The following ATP6V1E2 variants were observed in gnomAD, a reference collection of about 807,000 sequenced individuals.
The protein encoded by ATP6V1E2 is V-type proton ATPase subunit E 2.
For missense variants in ATP6V1E2, 308 were observed against 273.3 expected (o/e 1.13, Z -0.90); for synonymous variants, 121 against 104.2 (o/e 1.16, Z -0.98).
chr2:46,538,712 T>C (rs1331311971), intron 2 of ATP6V1E2, among the ~76,000 whole-genome samples: 1 of 152,178 alleles, frequency 6.6e-6, no homozygotes, highest in Non-Finnish European at 1.5e-5. Context: ...ACTGGCTACT[T>C]TGTGAATGGC....
intron 4 of ATP6V1E2, among the ~76,000 whole-genome samples, chr2:46,524,426 T>C (rs1423329556): frequency 1.3e-5 from 2 of 152,226 alleles, no homozygotes; most frequent in Non-Finnish European, 2.9e-5. Context: ...CTGGAAAATG[T>C]AGAAAGTTGG....
At chr2:46,521,984 C>G (rs1666654986) in intron 4 of ATP6V1E2, among the ~76,000 whole-genome samples, 1 of 152,164 alleles carries the variant, frequency 6.6e-6, no homozygotes, top group Admixed American at 6.5e-5. Context: ...GCCACTGCGC[C>G]AGGCCCTGTC....
intron 2 of ATP6V1E2, among the ~76,000 whole-genome samples, chr2:46,538,911 G>T (rs543216601): frequency 5.9e-5 from 9 of 152,258 alleles, no homozygotes; most frequent in East Asian, 1.9e-4. Context: ...TGAGGCTATA[G>T]TGAGCTGAGA....
intron 4 of ATP6V1E2, among the ~76,000 whole-genome samples, chr2:46,514,308 G>T (rs924647180): frequency 2.6e-5 from 4 of 151,720 alleles, no homozygotes; most frequent in African/African-American, 7.3e-5. Flanking sequence ...AAAGAAAAAA[G>T]AAAAAAGGAA....
chr2:46,534,743 G>A (rs920512746), intron 4 of ATP6V1E2: 6 of 138,602 alleles, frequency 4.3e-5, no homozygotes, highest in African/African-American at 1.6e-4. Flanking sequence ...CTCACTTTTC[G>A]GCTTAGTTAG....
In ATP6V1E2 at chr2:46,512,861, G is replaced by A. The variant is rs1330179700; in HGVS notation, c.-101-49C>T. 6.0e-6 allele frequency: 4 copies of A among 670,478 alleles called. No homozygotes were observed. The East Asian group carries it at 1.1e-4, about 18-fold the overall frequency. 41.5% of individuals were successfully genotyped at this position (670,478 alleles called of 1,614,324 possible). A position where few individuals can be genotyped will look rare whatever the true frequency, so the allele number is the denominator to read the frequency against. On this transcript the variant is annotated intron_variant, in intron 4 of 4. Transcript: ENST00000522587. ...AAAGAGAAAGTCAGAGGCTATAGAG[G>A]AGGATTACAGAGACTGTATATATAC...
intron 4 of ATP6V1E2, among the ~76,000 whole-genome samples, chr2:46,524,234 T>C (rs377759198): frequency 2.8e-4 from 43 of 152,276 alleles, no homozygotes; most frequent in African/African-American, 9.9e-4. Flanking sequence ...ATTGTTGACC[T>C]GAAGATGTTT....
chr2:46,529,636 G>T (rs899876167), intron 4 of ATP6V1E2, among the ~76,000 whole-genome samples: 1 of 152,116 alleles, frequency 6.6e-6, no homozygotes, highest in Non-Finnish European at 1.5e-5. Context: ...TGCACCTATG[G>T]TCTCAGCTAC....
At chr2:46,516,835 A>T (rs747249296) in intron 4 of ATP6V1E2, among the ~76,000 whole-genome samples, 5 of 152,238 alleles carry the variant, frequency 3.3e-5, no homozygotes, top group Non-Finnish European at 7.3e-5. Context: ...AAGAAGTTAA[A>T]AACAAATAAA....
At chr2:46,513,781 C>G (rs565913706) in intron 4 of ATP6V1E2, among the ~76,000 whole-genome samples, 1 of 150,938 alleles carries the variant, frequency 6.6e-6, no homozygotes, top group Non-Finnish European at 1.5e-5. Context: ...GCTGAGATCG[C>G]GCCACTGTAC....
Position 46,512,530 on chromosome 2 carries a change from T to C in ATP6V1E2, c.182A>G (p.Glu61Gly). The C allele has an allele frequency of 1.2e-6, 2 of 1,614,202 alleles. No homozygotes were observed. Among genetic ancestry groups the C allele is most frequent in the South Asian group, 2.2e-5 (2 of 91,084 alleles). The change falls in exon 5 of 5, where the codon GAG becomes GGG. Residue 61 changes from glutamate to glycine, a missense_variant. Coordinates refer to ENST00000522587, the MANE Select transcript of ATP6V1E2 (RefSeq NM_001318063.2). ...LKIMEYYEKK[E>G]KQIEQQKKIL... The stretch of plus-strand genomic sequence containing the variant: ...TTTCTTCTGCTGCTCTATCTGCTTC[T>C]CCTTTTTCTCATAATACTCCATAAT...
rs59810518 is a variant in ATP6V1E2 at position 46,540,613 on chromosome 2, C to CTT, written c.-310+775_-310+776dup. Among the ~76,000 whole-genome samples the CTT allele has an allele frequency of 1.3e-3, 150 of 115,624 alleles. 5 individuals are homozygous for CTT. The highest frequency in any genetic ancestry group is 3.8e-3 in the African/African-American group (111 of 29,576). 75.9% of individuals were successfully genotyped at this position (115,624 alleles called of 152,430 possible). A position where few individuals can be genotyped will look rare whatever the true frequency, so the allele number is the denominator to read the frequency against. ...TGAAATTTGAGAGCTTTTTCTGTAACTTTTTTTTTTTTTTTTTTTTTTTTT... is the reference window on the plus strand; with the variant it reads ...TGAAATTTGAGAGCTTTTTCTGTAACTTTTTTTTTTTTTTTTTTTTTTTTTTT... On this transcript the variant is annotated intron_variant, in intron 2 of 4. Transcript: ENST00000522587.
At chr2:46,518,725 G>T (rs576162220) in intron 4 of ATP6V1E2, among the ~76,000 whole-genome samples, 1 of 149,280 alleles carries the variant, frequency 6.7e-6, no homozygotes, top group East Asian at 2.0e-4. Context: ...TACAGCAAAA[G>T]CATTTTCTGC....
At chr2:46,540,238 G>A (rs893321480) in intron 2 of ATP6V1E2, among the ~76,000 whole-genome samples, 1 of 151,970 alleles carries the variant, frequency 6.6e-6, no homozygotes, top group Non-Finnish European at 1.5e-5. Flanking sequence ...CCTGGGCAAC[G>A]TGGCGAAACC....
At chr2:46,513,242 G>A (rs933343152) in intron 4 of ATP6V1E2, among the ~76,000 whole-genome samples, 1 of 150,994 alleles carries the variant, frequency 6.6e-6, no homozygotes, top group African/African-American at 2.5e-5. Context: ...GGAGGTAGGA[G>A]GGTTGTAAGA....
intron 4 of ATP6V1E2, among the ~76,000 whole-genome samples, chr2:46,516,608 A>T (rs532413042): frequency 2.6e-5 from 4 of 152,324 alleles, no homozygotes; most frequent in East Asian, 1.9e-4. Context: ...AAAAATTTTT[A>T]AAAGAATAAG....
chr2:46,513,763 T>C (rs185165712), intron 4 of ATP6V1E2, among the ~76,000 whole-genome samples: 242 of 151,966 alleles, frequency 1.6e-3, no homozygotes, highest in African/African-American at 5.6e-3. Flanking sequence ...AGGCAGAGGT[T>C]GCAGTGAGCT....
At chr2:46,531,706 CTAATTATAGCCATCCTAGTGGGTG>C (rs1237328478) in intron 4 of ATP6V1E2, among the ~76,000 whole-genome samples, 1 of 152,188 alleles carries the variant, frequency 6.6e-6, no homozygotes, top group Admixed American at 6.5e-5. Flanking sequence ...TCCCCCACCC[CTAATTATAGCCATCCTAGTGGGTG>C]TAAAGGGGTA....
At chr2:46,532,598 G>T (rs949139043) in intron 4 of ATP6V1E2, among the ~76,000 whole-genome samples, 1 of 152,162 alleles carries the variant, frequency 6.6e-6, no homozygotes, top group Non-Finnish European at 1.5e-5. Context: ...AGCCCTCATG[G>T]ATGGGATTAG....
Sources: allele counts gnomAD v4.1 joint callset (sites outside exome capture counted in the v4.1 genomes callset), GRCh38; gene constraint gnomAD v4.1.1; transcripts MANE v1.5; gene names NCBI Gene and HGNC (gene_info 2026-07-23, HGNC 2026-07-21).